Variants in COL22A1 observed in about 807,000 individuals in gnomAD.
COL22A1 encodes the protein collagen alpha-1(XXII) chain.
Under a neutral mutation model 248.9 loss-of-function variants are expected in COL22A1, and 221 were observed. The observed-to-expected ratio is 0.89, with a 90% CI of 0.80 to 0.99. The LOEUF (loss-of-function observed/expected upper bound fraction) is 0.99, where lower values mean the gene tolerates loss of function less well. Among genes scored for constraint, COL22A1 ranks in the 50% least tolerant of loss-of-function variants. The pLI is 0.00. For synonymous variants in COL22A1, 891 were observed against 793.4 expected, an observed-to-expected ratio of 1.12 and a Z score of -2.07; for missense variants, 2,240 against 2,179.0, an observed-to-expected ratio of 1.03 and a Z score of -0.56.
intron 1 of COL22A1, among the ~76,000 whole-genome samples, chr8:138,887,647 T>C (rs576561164): frequency 6.0e-4 from 92 of 152,322 alleles, no homozygotes; most frequent in Non-Finnish European, 6.3e-4. Flanking sequence ...AATTTCTACT[T>C]TGGGACATTT....
chr8:138,718,002 A>G (rs1288420319), intron 27 of COL22A1, among the ~76,000 whole-genome samples: 1 of 152,228 alleles, frequency 6.6e-6, no homozygotes, highest in African/African-American at 2.4e-5. Flanking sequence ...TCATGAATGC[A>G]TGGATGCACG....
intron 4 of COL22A1, among the ~76,000 whole-genome samples, chr8:138,834,913 G>A (rs1820312143): frequency 6.6e-6 from 1 of 152,168 alleles, no homozygotes. Context: ...CTGGCTCCAG[G>A]AGAACTGGAA....
At position 138,877,990 on chromosome 8, in the gene COL22A1, G is replaced by T. The variant is rs774353964; in HGVS notation, c.418C>A (p.Arg140Ser). Reference sequence around the variant, plus strand: ...AGGATGGCCACCTGCTTGTAGGCGCGGTCCCTGGGGCGGCCGCCGGCGTGT... The same window carrying T: ...AGGATGGCCACCTGCTTGTAGGCGCTGTCCCTGGGGCGGCCGCCGGCGTGT... ...SPHAGGRPRDRAYKQVAILLT... is the reference protein window; with the variant it reads ...SPHAGGRPRDSAYKQVAILLT... Residue 140 changes from arginine to serine, a missense_variant, in exon 3 of 65, where the codon CGC becomes AGC. Physicochemically the swap from Arg to Ser is moderately radical, Grantham distance 110 (BLOSUM62 -1). Transcript: ENST00000303045. 69 of 1,586,354 alleles carry T rather than the reference G, an allele frequency of 4.3e-5. 1 individual carries two copies. The highest frequency in any genetic ancestry group is 3.3e-4 in the Middle Eastern group (2 of 6,022).
intron 58 of COL22A1, 32 bp downstream of exon 58, chr8:138,606,349 T>A: frequency 6.3e-7 from 1 of 1,592,734 alleles, no homozygotes; most frequent in Non-Finnish European, 8.6e-7. Context: ...TGGAGCCAGG[T>A]ATCTTGGGCC....
At chr8:138,809,972 T>C (rs1478664980) in intron 9 of COL22A1, among the ~76,000 whole-genome samples, 2 of 152,218 alleles carry the variant, frequency 1.3e-5, no homozygotes, top group Non-Finnish European at 2.9e-5. Flanking sequence ...CCAGAACTTA[T>C]GATTTTATGG....
At chr8:138,872,873 G>A (rs1293316983) in intron 3 of COL22A1, among the ~76,000 whole-genome samples, 2 of 152,316 alleles carry the variant, frequency 1.3e-5, no homozygotes, top group South Asian at 4.1e-4. Context: ...CTGGCCATGC[G>A]TTACTGCTGT....
Position 138,724,497 on chromosome 8 carries a change from G to T in COL22A1, c.2247+118C>A, listed in dbSNP as rs571872361. ...AGCTCCGGGGCTGCAGGCCTTGCTG[G>T]CCAAGGAGTCCTCAGCTCTAGGAAA... On this transcript the variant is annotated intron_variant, in intron 25 of 64. Transcript: ENST00000303045. 2.4e-5 allele frequency: 23 copies of T among 958,938 alleles called. No individual in the cohort carries two copies. In the South Asian group the frequency reaches 2.8e-4, roughly 12 times the overall value. The allele number at this position is 958,938 out of a possible 1,614,324, so 59.4% of individuals were successfully genotyped here.
At chr8:138,593,227 G>C (rs1817233425) in intron 63 of COL22A1, among the ~76,000 whole-genome samples, 1 of 151,966 alleles carries the variant, frequency 6.6e-6, no homozygotes, top group South Asian at 2.1e-4. Flanking sequence ...GGGGGTGGGG[G>C]TCAAGGGGAC....
In COL22A1 at chr8:138,662,024, A is replaced by T; in HGVS notation, c.3240+6T>A. 4 of 1,610,862 alleles carry T rather than the reference A, an allele frequency of 2.5e-6. No homozygotes were observed. Among genetic ancestry groups the T allele is most frequent in the Non-Finnish European group, 3.4e-6 (4 of 1,178,292 alleles). On this transcript the variant is annotated splice_donor_region_variant and intron_variant, in intron 43 of 64. Coordinates refer to ENST00000303045, the MANE Select transcript of COL22A1 (RefSeq NM_152888.3). ...CACTGAGTCCACGCCATTTCTCTGT[A>T]CTTACGTCCCGGCCGGCTGGGCCCT...
At chr8:138,745,902 C>T (rs534621411) in intron 22 of COL22A1, among the ~76,000 whole-genome samples, 1 of 152,270 alleles carries the variant, frequency 6.6e-6, no homozygotes, top group African/African-American at 2.4e-5. Context: ...TCCTTAATGC[C>T]CAGCTCAGAC....
Position 138,767,017 on chromosome 8 carries a change from C to T in COL22A1, c.1804-4551G>A, listed in dbSNP as rs372458196. Among the ~76,000 whole-genome samples the T allele has an allele frequency of 5.3e-5, 8 of 152,322 alleles. No homozygotes were observed. In the South Asian group the frequency reaches 6.2e-4, roughly 12 times the overall value. On this transcript the variant is annotated intron_variant, in intron 16 of 64. Transcript: ENST00000303045. Reference sequence around the variant, plus strand: ...GGGACATGGGTGGTGGTTAACCGCACGACTCAGATCCAAACCCTGGCTCTC... The same window carrying T: ...GGGACATGGGTGGTGGTTAACCGCATGACTCAGATCCAAACCCTGGCTCTC...
intron 16 of COL22A1, 110 bp downstream of exon 16, chr8:138,775,852 GCACA>G (rs1173141265): frequency 3.9e-6 from 4 of 1,018,664 alleles, no homozygotes; most frequent in East Asian, 4.8e-5. Context: ...GTGCACACAT[GCACA>G]CACAAATGTG....
chr8:138,697,662 CT>C (rs1363209647), intron 32 of COL22A1, among the ~76,000 whole-genome samples: 2 of 152,168 alleles, frequency 1.3e-5, no homozygotes, highest in East Asian at 3.9e-4. Flanking sequence ...CCTCCACCCC[CT>C]CATCTCCTTT....
intron 3 of COL22A1, among the ~76,000 whole-genome samples, chr8:138,867,269 G>T (rs1471376404): frequency 6.6e-6 from 1 of 152,112 alleles, no homozygotes; most frequent in East Asian, 1.9e-4. Context: ...TTCGATCAGG[G>T]AGGGTCTTCC....
chr8:138,751,435 C>T (rs1339399134), intron 22 of COL22A1, 23 bp downstream of exon 22: 7 of 1,590,534 alleles, frequency 4.4e-6, no homozygotes, highest in Non-Finnish European at 6.0e-6. Flanking sequence ...TGAGGAATCA[C>T]AAAGAAAAGA....
intron 1 of COL22A1, among the ~76,000 whole-genome samples, chr8:138,904,425 G>C (rs1814850241): frequency 6.6e-6 from 1 of 152,074 alleles, no homozygotes. Context: ...AGGCAGCACA[G>C]ATGGGAGGAT....
chr8:138,624,744 G>C (rs1820102207), intron 51 of COL22A1, among the ~76,000 whole-genome samples: 1 of 152,126 alleles, frequency 6.6e-6, no homozygotes, highest in Non-Finnish European at 1.5e-5. Flanking sequence ...GTCCTGGACA[G>C]CTTACTTAAC....
chr8:138,768,945 A>T (rs1362205160), intron 16 of COL22A1, among the ~76,000 whole-genome samples: 4 of 151,976 alleles, frequency 2.6e-5, no homozygotes, highest in African/African-American at 9.7e-5. Flanking sequence ...TCAAGAAAAA[A>T]AAAAGAGGAT....
At chr8:138,839,474 G>T (rs1159456198) in intron 4 of COL22A1, among the ~76,000 whole-genome samples, 2 of 152,186 alleles carry the variant, frequency 1.3e-5, no homozygotes, top group Non-Finnish European at 2.9e-5. Flanking sequence ...CATTCTGGCA[G>T]CAGGGCATGG....
Sources: allele counts gnomAD v4.1 joint callset (sites outside exome capture counted in the v4.1 genomes callset), GRCh38; gene constraint gnomAD v4.1.1; transcripts MANE v1.5; gene names NCBI Gene and HGNC (gene_info 2026-07-23, HGNC 2026-07-21).